The following RAD52 variants were observed in gnomAD, a reference collection of about 807,000 sequenced individuals.
RAD52 encodes the protein DNA repair protein RAD52 homolog.
RAD52 carries 47 observed loss-of-function variants against 55.5 expected under a neutral mutation model. The observed-to-expected ratio is 0.85, with a 90% CI of 0.67 to 1.08. The LOEUF (loss-of-function observed/expected upper bound fraction) is 1.08, where lower values mean the gene tolerates loss of function less well. RAD52 is among the 50% of genes least tolerant of loss of function. The probability of loss-of-function intolerance (pLI) is 0.00; values close to 1 mark genes in which losing one functional copy is unlikely to be tolerated. For synonymous variants in RAD52, 184 were observed against 198.9 expected (o/e 0.92, Z 0.63); for missense variants, 468 against 522.8 (o/e 0.90, Z 1.02).
chr12:989,700 ACAGTT>A (rs1017042670), intron 1 of RAD52: 1 of 152,226 alleles, frequency 6.6e-6, no homozygotes, highest in African/African-American at 2.4e-5. Flanking sequence ...ACCTCACTTT[ACAGTT>A]AAGTAAGACC....
chr12:974,149 A>G (rs962712883), intron 1 of RAD52: 3 of 152,166 alleles, frequency 2.0e-5, no homozygotes, highest in Non-Finnish European at 2.9e-5. Flanking sequence ...AGTAGAAATC[A>G]GAAGTTTATT....
Position 985,489 on chromosome 12 carries a change from G to A in RAD52, c.-19+4320C>T, listed in dbSNP as rs538913462. Among the ~76,000 whole-genome samples, 16 of 152,212 alleles carry A rather than the reference G, an allele frequency of 1.1e-4. 1 individual carries two copies. In the South Asian group the frequency reaches 3.1e-3, roughly 30 times the overall value. ...ACTTGTCCTTTGGTCTCACAGCTAAGAAACTATTGCCTAATCCAAAGCCAT... is the reference window on the plus strand; with the variant it reads ...ACTTGTCCTTTGGTCTCACAGCTAAAAAACTATTGCCTAATCCAAAGCCAT... On this transcript the variant is annotated intron_variant, in intron 1 of 11. Coordinates refer to the RAD52 transcript ENST00000430095.
intron 1 of RAD52, among the ~76,000 whole-genome samples, chr12:983,704 G>A (rs1208908484): frequency 3.3e-5 from 5 of 152,222 alleles, no homozygotes; most frequent in Non-Finnish European, 7.3e-5. Context: ...ACAGGCATGA[G>A]CCACCGCACG....
chr12:916,701 C>T lies in RAD52; in HGVS notation c.663G>A (p.Gln221=), dbSNP rs1363577288. The T allele has an allele frequency of 1.2e-6, 2 of 1,614,084 alleles. No homozygotes were observed. Among genetic ancestry groups the T allele is most frequent in the Non-Finnish European group, 8.5e-7 (1 of 1,180,040 alleles). ...GGCTGGGTCTGGAAGGGGAGGTCAC[C>T]TGCTGCAGCTGTGGGTGTCCCAGGG... ...NMALGHPQLQ[Q]VTSPSRPSHA... The change falls in exon 8 of 12, where the codon CAG becomes CAA. Residue 221 remains glutamine (Q), a synonymous_variant. Transcript: ENST00000358495.
In RAD52 at chr12:933,094, G is replaced by A. The variant is rs761948480; in HGVS notation, c.-18-18C>T. ...GTTGACCTCTATATAAATAAAAAGC[G>A]GAAAAAAAAAACAACCCTCAAAGAA... is the stretch of plus-strand genomic sequence containing the variant. On this transcript the variant is annotated intron_variant, in intron 1 of 11. Coordinates refer to ENST00000358495, the MANE Select transcript of RAD52 (RefSeq NM_134424.4). The A allele has an allele frequency of 4.8e-5, 71 of 1,493,266 alleles. No individual in the cohort carries two copies. Among genetic ancestry groups the A allele is most frequent in the Non-Finnish European group, 5.9e-5 (65 of 1,098,720 alleles). The allele number at this position is 1,493,266 out of a possible 1,614,324, so 92.5% of individuals were successfully genotyped here.
intron 3 of RAD52, among the ~76,000 whole-genome samples, chr12:930,982 A>T (rs1957298087): frequency 6.6e-6 from 1 of 151,662 alleles, no homozygotes; most frequent in African/African-American, 2.4e-5. Flanking sequence ...AAAAATAAAA[A>T]AAAAAAAAGA....
chr12:986,463 G>A (rs1283117232), intron 1 of RAD52, among the ~76,000 whole-genome samples: 1 of 152,068 alleles, frequency 6.6e-6, no homozygotes, highest in Non-Finnish European at 1.5e-5. Context: ...CTGGGCTCAA[G>A]GGATCCTCCT....
rs1681139190 is a variant in RAD52 at position 911,863 on chromosome 12, A to AAAT, written c.*1525_*1527dup. Among the ~76,000 whole-genome samples, 1 of 125,924 alleles carries AAAT rather than the reference A, an allele frequency of 7.9e-6. No homozygotes were observed. The allele number at this position is 125,924 out of a possible 152,430, so 82.6% of individuals were successfully genotyped here. ...GGAGAAACCCCGTCTCCTCTACTAA[A>AAAT]AATACAAAAATTAGTCGGGCGTCGT... On this transcript the variant is annotated 3_prime_UTR_variant, in exon 12 of 12. Coordinates refer to ENST00000358495, the MANE Select transcript of RAD52 (RefSeq NM_134424.4).
chr12:916,247 G>A (rs1198580198), intron 9 of RAD52, 97 bp downstream of exon 9: 1 of 1,536,206 alleles, frequency 6.5e-7, no homozygotes, highest in Non-Finnish European at 8.7e-7. Flanking sequence ...GCCTGGTTTG[G>A]AGCCGGCCCA....
chr12:960,575 A>G (rs1352023618), intron 1 of RAD52, among the ~76,000 whole-genome samples: 3 of 152,138 alleles, frequency 2.0e-5, no homozygotes, highest in Non-Finnish European at 4.4e-5. Context: ...CAATCCTCCT[A>G]CCTCAGCCTT....
chr12:950,893 TC>T (rs546470545), upstream of RAD52, among the ~76,000 whole-genome samples: 48 of 151,994 alleles, frequency 3.2e-4, no homozygotes, highest in South Asian at 9.3e-3. Context: ...CCCCATTATC[TC>T]CCCCAGCCCC....
intron 1 of RAD52, among the ~76,000 whole-genome samples, chr12:945,230 A>C (rs565065420): frequency 1.3e-5 from 2 of 151,932 alleles, no homozygotes; most frequent in Admixed American, 1.3e-4. Flanking sequence ...AGGTGCCTGT[A>C]ATCTCAGCTC....
intron 9 of RAD52, among the ~76,000 whole-genome samples, chr12:915,166 A>T (rs1319371261): frequency 6.6e-6 from 1 of 152,116 alleles, no homozygotes; most frequent in African/African-American, 2.4e-5. Flanking sequence ...CTTCAGCCAA[A>T]ATCTGATGTG....
rs551885372 is a variant in RAD52, at chr12:948,584, G to T, written c.-19+1018C>A. Among the ~76,000 whole-genome samples, 5 of 152,296 alleles carry T rather than the reference G, an allele frequency of 3.3e-5. 1 individual carries two copies. Among genetic ancestry groups the T allele is most frequent in the African/African-American group, 1.2e-4 (5 of 41,580 alleles). ...TGAAGCAAAGAATCGCTTGAACCCA[G>T]GAGGCGGACGTTGCAGTGAGCCGAG... On this transcript the variant is annotated intron_variant, in intron 1 of 11. Coordinates refer to ENST00000358495, the MANE Select transcript of RAD52 (RefSeq NM_134424.4).
chr12:925,456 T>G lies in RAD52; in HGVS notation c.537A>C (p.Pro179=), dbSNP rs951810349. Residue 179 remains proline, a synonymous_variant, in exon 7 of 12, where the codon CCA becomes CCC. Coordinates refer to ENST00000358495, the MANE Select transcript of RAD52 (RefSeq NM_134424.4). ...KDYLRSLNKL[P]RQLPLEVDLT... is the part of the protein sequence containing the mutation. ...TCATCCATGTCTGATATACCTGGCGTGGAAGCTTATTTAGTGATCTCAGGT... is the reference window on the plus strand; with the variant it reads ...TCATCCATGTCTGATATACCTGGCGGGGAAGCTTATTTAGTGATCTCAGGT... The G allele has an allele frequency of 5.0e-6, 8 of 1,613,398 alleles. No homozygotes were observed. Among genetic ancestry groups the G allele is most frequent in the Non-Finnish European group, 6.8e-6 (8 of 1,179,350 alleles).
At chr12:972,226 C>G (rs1185910064) in intron 1 of RAD52, among the ~76,000 whole-genome samples, 5 of 152,114 alleles carry the variant, frequency 3.3e-5, no homozygotes, top group East Asian at 1.9e-4. Flanking sequence ...TCTCATGGAA[C>G]TTACATTTCA....
intron 1 of RAD52, among the ~76,000 whole-genome samples, chr12:971,718 C>G (rs1413177498): frequency 1.3e-5 from 2 of 152,080 alleles, no homozygotes; most frequent in Non-Finnish European, 2.9e-5. Flanking sequence ...GTATGATACT[C>G]TCCACATAAT....
intron 1 of RAD52, among the ~76,000 whole-genome samples, chr12:989,656 T>C (rs1235084433): frequency 2.0e-5 from 3 of 152,202 alleles, no homozygotes; most frequent in African/African-American, 7.2e-5. Flanking sequence ...CCACATATTT[T>C]AAGGACATGA....
chr12:945,348 CA>C (rs202144770), intron 1 of RAD52, among the ~76,000 whole-genome samples: 27 of 139,116 alleles, frequency 1.9e-4, no homozygotes, highest in Admixed American at 2.9e-4. Flanking sequence ...GACTCTGTCT[CA>C]AAAAAAAAAA....
Sources: allele counts gnomAD v4.1 joint callset (sites outside exome capture counted in the v4.1 genomes callset), GRCh38; gene constraint gnomAD v4.1.1; transcripts MANE v1.5; gene names NCBI Gene and HGNC (gene_info 2026-07-23, HGNC 2026-07-21).